The following KCNQ5 variants were observed in gnomAD, a reference collection of about 807,000 sequenced individuals.
KCNQ5 encodes the protein potassium voltage-gated channel subfamily Q member 5.
KCNQ5 carries 30 observed loss-of-function variants against 98.2 expected under a neutral mutation model. The observed-to-expected ratio is 0.31, with a 90% confidence interval of 0.23 to 0.41. The LOEUF (loss-of-function observed/expected upper bound fraction) is 0.41, where lower values mean the gene tolerates loss of function less well. Among genes scored for constraint, KCNQ5 ranks in the 10% least tolerant of loss-of-function variants. The pLI, the probability that KCNQ5 is intolerant of heterozygous loss-of-function variation, is 1.00. For synonymous variants in KCNQ5, 458 were observed against 449.4 expected, an observed-to-expected ratio of 1.02 and a Z score of -0.24; for missense variants, 835 against 1,182.5, an observed-to-expected ratio of 0.71 and a Z score of 4.31.
intron 9 of KCNQ5, chr6:73,124,784 C>T: frequency 2.1e-6 from 1 of 474,602 alleles, no homozygotes; most frequent in Non-Finnish European, 3.7e-6. Context: ...TTGGATTAGT[C>T]CTTGCTGTTG....
In KCNQ5 at chr6:73,004,088, C is replaced by T. The variant is rs1039656324; in HGVS notation, c.489+90C>T. 7 of 719,122 alleles carry T rather than the reference C, an allele frequency of 9.7e-6. No individual in the cohort carries two copies. In the Admixed American group the frequency reaches 1.3e-4, roughly 13 times the overall value. 44.5% of individuals were successfully genotyped at this position (719,122 alleles called of 1,614,324 possible). A position where few individuals can be genotyped will look rare whatever the true frequency, so the allele number is the denominator to read the frequency against. ...TATGCATCTTATCCTACAAAAAAAT[C>T]CTATCTAAAAAAGAGTTACTGAGAA... is the stretch of plus-strand genomic sequence containing the variant. On this transcript the variant is annotated intron_variant, in intron 2 of 13. Coordinates refer to ENST00000370398, the MANE Select transcript of KCNQ5 (RefSeq NM_019842.4).
At chr6:72,820,085 G>T (rs1050679679) in intron 1 of KCNQ5, among the ~76,000 whole-genome samples, 1 of 152,142 alleles carries the variant, frequency 6.6e-6, no homozygotes, top group African/African-American at 2.4e-5. Context: ...TACCAGTGTA[G>T]GCCCATTAAG....
intron 1 of KCNQ5, among the ~76,000 whole-genome samples, chr6:72,820,701 A>AT (rs1259617984): frequency 6.6e-6 from 1 of 152,110 alleles, no homozygotes; most frequent in Non-Finnish European, 1.5e-5. Flanking sequence ...CATCAAAGAC[A>AT]GACTCACAGA....
chr6:73,158,469 G>T (rs539429527), intron 10 of KCNQ5, among the ~76,000 whole-genome samples: 64 of 152,074 alleles, frequency 4.2e-4, no homozygotes, highest in Non-Finnish European at 7.4e-4. Flanking sequence ...GTTTCACCAC[G>T]TTGGCCAGGC....
At chr6:72,648,453 T>C (rs1765712154) in intron 1 of KCNQ5, among the ~76,000 whole-genome samples, 1 of 152,194 alleles carries the variant, frequency 6.6e-6, no homozygotes, top group South Asian at 2.1e-4. Context: ...TATATTGATA[T>C]ATCTAAAGCC....
At chr6:72,791,371 C>T (rs1774031722) in intron 1 of KCNQ5, among the ~76,000 whole-genome samples, 1 of 152,140 alleles carries the variant, frequency 6.6e-6, no homozygotes, top group African/African-American at 2.4e-5. Flanking sequence ...GGTAAATTCC[C>T]TTGACATCAT....
intron 1 of KCNQ5, among the ~76,000 whole-genome samples, chr6:72,744,373 G>A (rs1771273265): frequency 6.6e-6 from 1 of 152,204 alleles, no homozygotes; most frequent in Admixed American, 6.5e-5. Context: ...TTATAGATGT[G>A]TACTGCCATC....
intron 1 of KCNQ5, among the ~76,000 whole-genome samples, chr6:72,884,813 T>C (rs1778788857): frequency 6.6e-6 from 1 of 152,068 alleles, no homozygotes; most frequent in Non-Finnish European, 1.5e-5. Flanking sequence ...AGACAGGGTT[T>C]CACCATGTTT....
intron 1 of KCNQ5, among the ~76,000 whole-genome samples, chr6:72,956,877 G>T (rs1261760915): frequency 2.0e-5 from 3 of 152,048 alleles, no homozygotes; most frequent in Admixed American, 2.0e-4. Context: ...AGGACCACTG[G>T]TTTAAGTTAT....
In KCNQ5 at chr6:72,622,324, G is replaced by T. The variant is rs780315018; in HGVS notation, c.135G>T (p.Arg45Ser). 1.4e-6 allele frequency: 2 copies of T among 1,403,374 alleles called. No homozygotes were observed. Among genetic ancestry groups the T allele is most frequent in the South Asian group, 1.6e-5 (1 of 63,578 alleles). The allele number at this position is 1,403,374 out of a possible 1,614,324, so 86.9% of individuals were successfully genotyped here. Residue 45 changes from arginine (R) to serine (S), a missense_variant, in exon 1 of 14, where the codon AGG becomes AGT. Around this residue, in one of 10 missense-constraint regions of KCNQ5, gnomAD observed 80 missense variants for 72.3 expected, o/e 1.11. Transcript: ENST00000370398. The surrounding 1 kb of genome is among the most constrained non-coding windows in gnomAD (Gnocchi z 6.0). ...AGGATGTGGAGTCCGGCCGGGGCAGGGTGCTGCTGAACTCGGCAGCCGCCA... is the reference window on the plus strand; with the variant it reads ...AGGATGTGGAGTCCGGCCGGGGCAGTGTGCTGCTGAACTCGGCAGCCGCCA... ...GMKDVESGRG[R>S]VLLNSAAARG...
intron 11 of KCNQ5, among the ~76,000 whole-genome samples, chr6:73,171,643 G>A (rs1778020790): frequency 6.6e-6 from 1 of 152,214 alleles, no homozygotes; most frequent in South Asian, 2.1e-4. Flanking sequence ...GATAGCCACA[G>A]GTGGCCAGTG....
At chr6:72,980,615 A>G (rs2211388) in intron 1 of KCNQ5, among the ~76,000 whole-genome samples, 151,725 of 152,312 alleles carry the variant, frequency 1, 75,574 homozygotes, top group Middle Eastern at 1. Context: ...CATGTCATCT[A>G]CAAACAGCGA....
intron 1 of KCNQ5, among the ~76,000 whole-genome samples, chr6:72,960,514 C>T (rs2150266727): frequency 6.6e-6 from 1 of 152,268 alleles, no homozygotes; most frequent in South Asian, 2.1e-4. Context: ...ACTGCAACCT[C>T]CGCCTCCTGA....
At chr6:72,736,084 T>TAC (rs59201837) in intron 1 of KCNQ5, among the ~76,000 whole-genome samples, 57,378 of 148,460 alleles carry the variant, frequency 0.39, 11,217 homozygotes, top group East Asian at 0.68. Flanking sequence ...TGTGTACACA[T>TAC]ACACACACAC....
At chr6:72,782,437 A>C (rs1773532876) in intron 1 of KCNQ5, among the ~76,000 whole-genome samples, 1 of 152,228 alleles carries the variant, frequency 6.6e-6, no homozygotes, top group Non-Finnish European at 1.5e-5. Context: ...ATGAAGAAAT[A>C]AATGATTATC....
intron 1 of KCNQ5, among the ~76,000 whole-genome samples, chr6:72,637,253 T>TG (rs1554680979): frequency 3.1e-5 from 3 of 95,296 alleles, no homozygotes; most frequent in East Asian, 5.2e-4. Flanking sequence ...CCAAAAGTTG[T>TG]GTTTTTTTTT....
intron 10 of KCNQ5, among the ~76,000 whole-genome samples, chr6:73,168,961 A>G (rs1465586008): frequency 6.6e-6 from 1 of 152,204 alleles, no homozygotes. Flanking sequence ...ATTCCATTAT[A>G]TAAACCTACC....
chr6:72,970,540 A>C (rs879329958), intron 1 of KCNQ5, among the ~76,000 whole-genome samples: 3 of 152,044 alleles, frequency 2.0e-5, no homozygotes, highest in Non-Finnish European at 4.4e-5. Context: ...ATTTGGCTTT[A>C]TAAGAGGTAA....
intron 1 of KCNQ5, among the ~76,000 whole-genome samples, chr6:72,715,360 A>G (rs1769594329): frequency 6.6e-6 from 1 of 152,164 alleles, no homozygotes; most frequent in Admixed American, 6.6e-5. Context: ...ATCCTCGGCC[A>G]AATCCCTAAG....
Sources: gnomAD v4.1 joint callset for allele counts (sites outside exome capture counted in the v4.1 genomes callset) on GRCh38, gnomAD v4.1.1 for gene constraint, gnomAD v4.1.1 regional missense constraint, Gnocchi (gnomAD v3.1) non-coding constraint, MANE v1.5 for transcripts, NCBI Gene and HGNC (gene_info 2026-07-23, HGNC 2026-07-21) for gene names.